Variants in CDK14 observed in about 807,000 individuals in gnomAD.
The protein encoded by CDK14 is cyclin-dependent kinase 14.
CDK14 carries 34 observed loss-of-function variants against 60.7 expected under a neutral mutation model. The observed-to-expected ratio is 0.56, with a 90% CI of 0.43 to 0.75. CDK14 has a LOEUF of 0.75. Ranked by LOEUF, CDK14 falls within the 30% of genes least tolerant of loss-of-function variation. CDK14 has a pLI of 0.00. For missense variants in CDK14, 482 were observed against 564.1 expected, an observed-to-expected ratio of 0.85 and a Z score of 1.47; for synonymous variants, 197 against 203.7, an observed-to-expected ratio of 0.97 and a Z score of 0.28.
chr7:90,941,977 G>T (rs904788705), intron 8 of CDK14, among the ~76,000 whole-genome samples: 2 of 152,166 alleles, frequency 1.3e-5, no homozygotes, highest in Admixed American at 6.5e-5. Context: ...CCTTTTCTTA[G>T]TCGGCTACAA....
At chr7:91,017,958 C>T (rs1201816301) in intron 10 of CDK14, among the ~76,000 whole-genome samples, 2 of 152,122 alleles carry the variant, frequency 1.3e-5, no homozygotes, top group Non-Finnish European at 2.9e-5. Flanking sequence ...GTGCATCAGA[C>T]AGAGGTTGTG....
intron 14 of CDK14, among the ~76,000 whole-genome samples, chr7:91,159,193 T>C (rs1378721583): frequency 6.6e-6 from 1 of 152,340 alleles, no homozygotes; most frequent in African/African-American, 2.4e-5. Context: ...TGTGGGATAC[T>C]GTGTTTTCTA....
At chr7:91,173,814 G>A (rs550309882) in intron 14 of CDK14, among the ~76,000 whole-genome samples, 29 of 152,262 alleles carry the variant, frequency 1.9e-4, no homozygotes, top group Admixed American at 5.2e-4. Flanking sequence ...CTACGCCCAC[G>A]GAGTCTCGCT....
chr7:90,839,095 G>A (rs1002440243), intron 5 of CDK14, among the ~76,000 whole-genome samples: 5 of 152,148 alleles, frequency 3.3e-5, no homozygotes, highest in African/African-American at 7.2e-5. Flanking sequence ...TTCTCAGACC[G>A]GCTGACACTT....
At chr7:90,680,267 T>C (rs192214345) in intron 2 of CDK14, among the ~76,000 whole-genome samples, 1 of 152,294 alleles carries the variant, frequency 6.6e-6, no homozygotes, top group East Asian at 1.9e-4. Context: ...CTCGGACTTA[T>C]TGACAACCTC....
At position 90,899,270 on chromosome 7, in the gene CDK14, A is replaced by AT. The variant is rs1792428108; in HGVS notation, c.640-16dup. ...GTTATAGCCAGAGGGTTATTAATAC[A>AT]TTTTTCCTTTTCTTTTCTAGCACAC... On this transcript the variant is annotated intron_variant, in intron 6 of 14. Transcript: ENST00000380050. The AT allele has an allele frequency of 2.5e-6, 4 of 1,579,872 alleles. No homozygotes were observed. In the African/African-American group the frequency reaches 4.1e-5, roughly 16 times the overall value.
Position 91,016,739 on chromosome 7 carries a change from C to A in CDK14, c.1042-29158C>A, listed in dbSNP as rs542595617. On this transcript the variant is annotated intron_variant, in intron 10 of 14. Coordinates refer to ENST00000380050, the MANE Select transcript of CDK14 (RefSeq NM_001287135.2). ...GCTAGGTAGTTTTTATATTCATCAT[C>A]TATAGCATGTTTTAAGGTTTCGGAA... Among the ~76,000 whole-genome samples the A allele has an allele frequency of 1.6e-4, 24 of 152,338 alleles. 1 individual carries two copies. The South Asian group carries it at 3.1e-3, about 20-fold the overall frequency.
intron 10 of CDK14, among the ~76,000 whole-genome samples, chr7:91,031,201 A>C (rs1796749246): frequency 6.6e-6 from 1 of 152,150 alleles, no homozygotes; most frequent in Non-Finnish European, 1.5e-5. Context: ...TTGTTTTTGC[A>C]CTGTGGAATT....
intron 11 of CDK14, among the ~76,000 whole-genome samples, chr7:91,075,314 A>G (rs950532539): frequency 2.0e-5 from 3 of 152,138 alleles, no homozygotes; most frequent in African/African-American, 7.2e-5. Flanking sequence ...CTGCTTCAAC[A>G]TATGCAAATC....
At chr7:90,963,630 T>C (rs1794667341) in intron 9 of CDK14, among the ~76,000 whole-genome samples, 1 of 151,216 alleles carries the variant, frequency 6.6e-6, no homozygotes, top group Non-Finnish European at 1.5e-5. Context: ...TGGGAATATA[T>C]GTGCCGTAAT....
At chr7:90,758,865 G>A (rs925738229) in intron 4 of CDK14, among the ~76,000 whole-genome samples, 5 of 152,130 alleles carry the variant, frequency 3.3e-5, no homozygotes, top group Admixed American at 6.6e-5. Flanking sequence ...AGACCAGCCT[G>A]GCCAACATGG....
chr7:90,606,847 T>C (rs950844908), intron 2 of CDK14, among the ~76,000 whole-genome samples: 3 of 152,226 alleles, frequency 2.0e-5, no homozygotes, highest in Non-Finnish European at 4.4e-5. Context: ...TGCCACTTTC[T>C]AGTTATTTGG....
intron 2 of CDK14, chr7:90,666,504 T>A (rs1050031149): frequency 3.3e-5 from 5 of 152,210 alleles, no homozygotes; most frequent in African/African-American, 1.2e-4. Context: ...GTGGGCATAT[T>A]AACAGCTTTG....
At chr7:90,734,055 C>G (rs1200408587) in intron 3 of CDK14, among the ~76,000 whole-genome samples, 1 of 152,114 alleles carries the variant, frequency 6.6e-6, no homozygotes, top group East Asian at 1.9e-4. Flanking sequence ...TTTTATTTCT[C>G]CTTCCCTTAT....
chr7:90,899,326 TG>T lies in CDK14; in HGVS notation c.681del (p.Leu228CysfsTer6). On this transcript the variant is annotated frameshift_variant, in exon 7 of 15. Coordinates refer to ENST00000380050, the MANE Select transcript of CDK14 (RefSeq NM_001287135.2). LOFTEE classifies it high-confidence loss of function. ...DLCQYMDKHP[G>X]GLHPDNVKLF... ...TATGTCAGTACATGGACAAGCACCC[TG>T]GGGGGCTGCATCCAGATAATGTGAA... 1 of 1,603,034 alleles carries T rather than the reference TG, an allele frequency of 6.2e-7. No individual in the cohort carries two copies. Among genetic ancestry groups the T allele is most frequent in the East Asian group, 2.3e-5 (1 of 44,086 alleles).
intron 2 of CDK14, among the ~76,000 whole-genome samples, chr7:90,637,700 C>T (rs1186258592): frequency 1.4e-5 from 2 of 146,660 alleles, no homozygotes; most frequent in African/African-American, 5.1e-5. Context: ...TGTTAACTTT[C>T]TGTCTCGTTG....
At chr7:90,924,694 T>C (rs1793359142) in intron 8 of CDK14, among the ~76,000 whole-genome samples, 1 of 152,242 alleles carries the variant, frequency 6.6e-6, no homozygotes, top group Non-Finnish European at 1.5e-5. Flanking sequence ...CTGTAAATTC[T>C]GGTTAGACAT....
intron 2 of CDK14, among the ~76,000 whole-genome samples, chr7:90,717,022 A>C (rs1264319254): frequency 6.6e-6 from 1 of 152,058 alleles, no homozygotes; most frequent in East Asian, 1.9e-4. Context: ...TTCCAGATGA[A>C]ATTCTGGTCA....
chr7:91,147,956 G>C (rs771850207), intron 14 of CDK14, among the ~76,000 whole-genome samples: 4 of 152,156 alleles, frequency 2.6e-5, no homozygotes, highest in Non-Finnish European at 5.9e-5. Flanking sequence ...ATGCTTATAT[G>C]TCTATCCACA....
Sources: gnomAD v4.1 joint callset for allele counts (sites outside exome capture counted in the v4.1 genomes callset) on GRCh38, gnomAD v4.1.1 for gene constraint, MANE v1.5 for transcripts, NCBI Gene and HGNC (gene_info 2026-07-23, HGNC 2026-07-21) for gene names.